Variants in LRP2 observed in about 807,000 individuals in gnomAD.
LRP2 encodes LDL receptor related protein 2.
In LRP2, 172 loss-of-function variants were observed where a neutral mutation model predicts 531.0. The ratio of observed to expected loss-of-function variants is 0.32; its 90% CI spans 0.29 to 0.37. The LOEUF is 0.37. Ranked by LOEUF, LRP2 falls within the 10% of genes least tolerant of loss-of-function variation. The pLI, the probability that LRP2 is intolerant of heterozygous loss-of-function variation, is 1.00. For synonymous variants in LRP2, 1,992 were observed against 2,027.6 expected (o/e 0.98, Z 0.47); for missense variants, 5,167 against 5,868.3 (o/e 0.88, Z 3.90).
chr2:169,238,851 A>G (rs1689701093), intron 26 of LRP2, among the ~76,000 whole-genome samples: 1 of 152,190 alleles, frequency 6.6e-6, no homozygotes, highest in South Asian at 2.1e-4. Context: ...CACATGACTA[A>G]GTTCTGACCA....
intron 49 of LRP2, among the ~76,000 whole-genome samples, chr2:169,187,613 C>T (rs879737413): frequency 2.0e-5 from 3 of 152,160 alleles, no homozygotes; most frequent in Admixed American, 2.0e-4. Flanking sequence ...AACAGGCCAA[C>T]GAGTTCTAGC....
rs540049848 is a variant in LRP2 at position 169,255,461 on chromosome 2, T to A, written c.2770+645A>T. 2.6e-5 allele frequency among the ~76,000 whole-genome samples: 4 copies of A among 152,242 alleles called. No homozygotes were observed. In the South Asian group the frequency reaches 8.3e-4, roughly 32 times the overall value. On this transcript the variant is annotated intron_variant, in intron 19 of 78. Coordinates refer to ENST00000649046, the MANE Select transcript of LRP2 (RefSeq NM_004525.3). ...TGGCTGTGCTCATTGTGACTGTAGT[T>A]CCCCAGAATTCATGCTTCTCAGCAA...
chr2:169,342,932 T>G (rs1685604698), intron 1 of LRP2, among the ~76,000 whole-genome samples: 1 of 152,236 alleles, frequency 6.6e-6, no homozygotes, highest in African/African-American at 2.4e-5. Flanking sequence ...AAGGAACTTT[T>G]GCAAGAGAGA....
chr2:169,204,391 T>A, intron 41 of LRP2, 120 bp from the exon 42 acceptor site: 1 of 906,642 alleles, frequency 1.1e-6, no homozygotes, highest in Non-Finnish European at 1.8e-6. Flanking sequence ...TCTTTTCAAA[T>A]GGGGCATATG....
chr2:169,156,156 T>TA, intron 65 of LRP2, 118 bp downstream of exon 65: 400 of 1,391,056 alleles, frequency 2.9e-4, no homozygotes, highest in Non-Finnish European at 3.5e-4. Flanking sequence ...CTGGCGAGTT[T>TA]AAAAAAAAAG....
chr2:169,133,882 C>T lies in LRP2; in HGVS notation c.13621-1201G>A, dbSNP rs367921957. On this transcript the variant is annotated intron_variant, in intron 76 of 78. Transcript: ENST00000649046. ...TGAACCTGACACCCATCAGGCTCAG[C>T]AAATTACCTGGGCTGTACTGCTGCA... Among the ~76,000 whole-genome samples the T allele has an allele frequency of 5.3e-5, 8 of 152,190 alleles. 1 individual carries two copies. The East Asian group carries it at 7.7e-4, about 15-fold the overall frequency.
rs781673738 is a variant in LRP2, at chr2:169,206,946, A to G, written c.6774T>C (p.Ile2258=). 1.9e-6 allele frequency: 3 copies of G among 1,614,212 alleles called. No individual in the cohort carries two copies. Among genetic ancestry groups the G allele is most frequent in the Admixed American group, 3.3e-5 (2 of 60,024 alleles). ...VYWVDDSLDI[I]ARIRINGENS... ...TCTCTCCATTGATACGAATCCTTGC[A>G]ATTATATCTAAAGAATCATCAACCC... The change falls in exon 39 of 79, where the codon ATT becomes ATC. Residue 2258 remains isoleucine, a synonymous_variant. Coordinates refer to ENST00000649046, the MANE Select transcript of LRP2 (RefSeq NM_004525.3).
intron 75 of LRP2, 73 bp from the exon 76 acceptor site, chr2:169,137,566 G>A (rs1685561014): frequency 1.1e-6 from 1 of 932,836 alleles, no homozygotes; most frequent in Admixed American, 1.8e-5. Flanking sequence ...ATACTAATCT[G>A]GTTCACACAC....
At position 169,342,226 on chromosome 2, in the gene LRP2, G is replaced by A. The variant is rs114768305; in HGVS notation, c.79+20095C>T. Among the ~76,000 whole-genome samples, 646 of 150,552 alleles carry A rather than the reference G, an allele frequency of 4.3e-3. 6 individuals are homozygous for A. The highest frequency in any genetic ancestry group is 0.015 in the African/African-American group (609 of 41,028). On this transcript the variant is annotated intron_variant, in intron 1 of 78. Coordinates refer to ENST00000649046, the MANE Select transcript of LRP2 (RefSeq NM_004525.3). The stretch of plus-strand genomic sequence containing the variant: ...AAAAAAAAAAAAGTTGAATATTTAT[G>A]AATGTAATTAACATACACATACATT...
At chr2:169,189,583 C>T (rs1304969111) in intron 48 of LRP2, among the ~76,000 whole-genome samples, 1 of 152,144 alleles carries the variant, frequency 6.6e-6, no homozygotes, top group Non-Finnish European at 1.5e-5. Context: ...ACCCCTCAGT[C>T]TTATCATCCA....
chr2:169,330,746 G>A (rs1000448592), intron 1 of LRP2, among the ~76,000 whole-genome samples: 5 of 151,986 alleles, frequency 3.3e-5, no homozygotes, highest in South Asian at 4.2e-4. Flanking sequence ...CATCTATGCC[G>A]CTTGAGAGTG....
chr2:169,239,229 A>G (rs1689716704), intron 26 of LRP2, among the ~76,000 whole-genome samples: 1 of 152,236 alleles, frequency 6.6e-6, no homozygotes, highest in African/African-American at 2.4e-5. Flanking sequence ...AAGATGCTTA[A>G]ATATAGTATA....
chr2:169,184,494 T>C (rs1018365628), intron 50 of LRP2, among the ~76,000 whole-genome samples: 6 of 152,208 alleles, frequency 3.9e-5, no homozygotes, highest in African/African-American at 1.4e-4. Context: ...CTTTACAGCA[T>C]ACATCTTTAC....
At chr2:169,275,262 T>G in intron 13 of LRP2, 24 bp from the exon 14 acceptor site, 1 of 1,573,450 alleles carries the variant, frequency 6.4e-7, no homozygotes, top group Middle Eastern at 1.7e-4. Context: ...CACATATATA[T>G]CATACAATTT....
At chr2:169,170,342 A>T (rs1686948982) in intron 59 of LRP2, among the ~76,000 whole-genome samples, 1 of 152,214 alleles carries the variant, frequency 6.6e-6, no homozygotes, top group Non-Finnish European at 1.5e-5. Context: ...ATTCCTTGCT[A>T]TTTTCCTCAA....
intron 9 of LRP2, among the ~76,000 whole-genome samples, chr2:169,285,069 G>A (rs1683816910): frequency 1.3e-5 from 2 of 152,032 alleles, no homozygotes; most frequent in Admixed American, 6.6e-5. Flanking sequence ...AGCACTTTGG[G>A]AGGGTAAGGT....
intron 15 of LRP2, chr2:169,271,740 A>G: frequency 2.2e-6 from 2 of 889,986 alleles, no homozygotes; most frequent in Non-Finnish European, 2.5e-6. Flanking sequence ...ACAATCCTCA[A>G]GTTGGTTTAA....
chr2:169,280,615 A>G (rs558723711), intron 10 of LRP2, 96 bp from the exon 11 acceptor site: 6 of 1,212,764 alleles, frequency 4.9e-6, no homozygotes, highest in Admixed American at 1.9e-5. Flanking sequence ...TTCAAATGCT[A>G]TCTTCTAGGT....
intron 75 of LRP2, among the ~76,000 whole-genome samples, chr2:169,137,889 A>G (rs1685576950): frequency 6.6e-6 from 1 of 152,104 alleles, no homozygotes; most frequent in East Asian, 1.9e-4. Context: ...GGATAATATA[A>G]TATTCTCAGG....
Sources: gnomAD v4.1 joint callset for allele counts (sites outside exome capture counted in the v4.1 genomes callset) on GRCh38, gnomAD v4.1.1 for gene constraint, MANE v1.5 for transcripts, NCBI Gene and HGNC (gene_info 2026-07-23, HGNC 2026-07-21) for gene names.